ITGBL1: variants seen among roughly 807,000 people sequenced by gnomAD.
ITGBL1 encodes the protein integrin subunit beta like 1.
In ITGBL1, 51 loss-of-function variants were observed where a neutral mutation model predicts 68.5. The ratio of observed to expected loss-of-function variants is 0.74; its 90% CI spans 0.59 to 0.94. ITGBL1 has a LOEUF of 0.94. ITGBL1 is among the 40% of genes least tolerant of loss of function. ITGBL1 has a pLI of 0.00. For missense variants in ITGBL1, 649 were observed against 647.4 expected (o/e 1.00, Z -0.03); for synonymous variants, 209 against 227.3 (o/e 0.92, Z 0.72).
chr13:101,713,904 C>G (rs1323045882), intron 9 of ITGBL1: 2 of 152,754 alleles, frequency 1.3e-5, no homozygotes, highest in Admixed American at 1.3e-4. Context: ...TACTGAGTGA[C>G]TGTATGCATT....
rs79872329 is a variant in ITGBL1 at position 101,560,136 on chromosome 13, C to A, written c.317-7563C>A. Among the ~76,000 whole-genome samples, 115 of 152,220 alleles carry A rather than the reference C, an allele frequency of 7.6e-4. 2 individuals carry two copies. Among genetic ancestry groups the A allele is most frequent in the African/African-American group, 2.7e-3 (112 of 41,550 alleles). On this transcript the variant is annotated intron_variant, in intron 2 of 10. Transcript: ENST00000376180. The stretch of plus-strand genomic sequence containing the variant: ...TAATTGTACTGTCAGATAAAGAATT[C>A]TTTCACAATCTTTTCTTAGAATTCT...
chr13:101,656,375 G>T (rs2032925096), intron 7 of ITGBL1, among the ~76,000 whole-genome samples: 1 of 152,140 alleles, frequency 6.6e-6, no homozygotes, highest in Non-Finnish European at 1.5e-5. Context: ...GGACAGCTTT[G>T]CAGGTCCATT....
At chr13:101,606,044 T>C (rs1566754720) in intron 7 of ITGBL1, among the ~76,000 whole-genome samples, 1 of 145,232 alleles carries the variant, frequency 6.9e-6, no homozygotes. Flanking sequence ...ATATATGATA[T>C]AAGGCTATCC....
At chr13:101,695,381 T>A (rs1341847292) in intron 8 of ITGBL1, among the ~76,000 whole-genome samples, 1 of 152,116 alleles carries the variant, frequency 6.6e-6, no homozygotes, top group African/African-American at 2.4e-5. Context: ...CCCTGTGTGA[T>A]TGCAGATTAG....
At chr13:101,653,232 A>C (rs1367597554) in intron 7 of ITGBL1, among the ~76,000 whole-genome samples, 1 of 141,824 alleles carries the variant, frequency 7.1e-6, no homozygotes, top group Admixed American at 7.4e-5. Context: ...GGAAGGAGAA[A>C]TTTGTGCCAT....
At chr13:101,475,238 A>G (rs2048518399) in intron 2 of ITGBL1, among the ~76,000 whole-genome samples, 1 of 152,178 alleles carries the variant, frequency 6.6e-6, no homozygotes, top group South Asian at 2.1e-4. Context: ...TTTAGCAAAG[A>G]GATTGAAATA....
chr13:101,718,961 A>C (rs1006857800), downstream of ITGBL1: 9 of 151,910 alleles, frequency 5.9e-5, no homozygotes, highest in Non-Finnish European at 2.9e-5. Context: ...CTGGATTTTG[A>C]TATGCCTGCA....
At chr13:101,540,522 A>T (rs956546227) in intron 2 of ITGBL1, among the ~76,000 whole-genome samples, 10 of 152,114 alleles carry the variant, frequency 6.6e-5, no homozygotes, top group African/African-American at 2.4e-4. Context: ...CTTAGGATTG[A>T]CTTGGCAATG....
chr13:101,709,798 C>A (rs1424576365), intron 9 of ITGBL1, among the ~76,000 whole-genome samples: 1 of 152,202 alleles, frequency 6.6e-6, no homozygotes, highest in Non-Finnish European at 1.5e-5. Flanking sequence ...TTCCCTAAGA[C>A]CTGTCCAACT....
At chr13:101,473,452 C>G (rs1280753422) in intron 2 of ITGBL1, among the ~76,000 whole-genome samples, 1 of 152,204 alleles carries the variant, frequency 6.6e-6, no homozygotes, top group Non-Finnish European at 1.5e-5. Flanking sequence ...ACAGACAGAT[C>G]ATTTTGATCA....
intron 7 of ITGBL1, among the ~76,000 whole-genome samples, chr13:101,661,455 A>G (rs913851784): frequency 2.0e-5 from 3 of 152,158 alleles, no homozygotes; most frequent in African/African-American, 7.2e-5. Flanking sequence ...TGAAGTACCA[A>G]TGTAGGAATT....
chr13:101,485,213 G>A (rs981878071), intron 2 of ITGBL1, among the ~76,000 whole-genome samples: 5 of 152,160 alleles, frequency 3.3e-5, no homozygotes, highest in African/African-American at 1.2e-4. Context: ...AATGCTAGAG[G>A]AAGTTCTGCA....
intron 7 of ITGBL1, among the ~76,000 whole-genome samples, chr13:101,637,615 T>C (rs374684828): frequency 2.6e-5 from 4 of 152,306 alleles, no homozygotes; most frequent in African/African-American, 9.6e-5. Flanking sequence ...AGTGCTGGGA[T>C]TACAGGCGTG....
chr13:101,519,951 T>C (rs2139131131), intron 2 of ITGBL1, among the ~76,000 whole-genome samples: 1 of 152,332 alleles, frequency 6.6e-6, no homozygotes, highest in Admixed American at 6.5e-5. Context: ...ATATTTCCTG[T>C]CAATAAAGCC....
intron 2 of ITGBL1, among the ~76,000 whole-genome samples, chr13:101,506,799 T>C (rs966426940): frequency 1.3e-5 from 2 of 152,320 alleles, no homozygotes; most frequent in Admixed American, 1.3e-4. Flanking sequence ...CTGAGATCTC[T>C]CTTGACTGTA....
chr13:101,491,741 C>T (rs1485146401), intron 2 of ITGBL1, among the ~76,000 whole-genome samples: 3 of 152,214 alleles, frequency 2.0e-5, no homozygotes, highest in South Asian at 4.1e-4. Context: ...TCGTCATCTG[C>T]GTTAGGTATT....
intron 7 of ITGBL1, among the ~76,000 whole-genome samples, chr13:101,612,923 T>G (rs1175680629): frequency 1.3e-5 from 2 of 152,124 alleles, no homozygotes; most frequent in African/African-American, 2.4e-5. Flanking sequence ...CGTCCGTAGC[T>G]TATCAAAACA....
intron 7 of ITGBL1, among the ~76,000 whole-genome samples, chr13:101,628,678 G>A (rs762063474): frequency 2.7e-5 from 4 of 149,548 alleles, no homozygotes; most frequent in Non-Finnish European, 5.9e-5. Context: ...TTGACCTCGT[G>A]ATCCACCCAC....
chr13:101,581,023 CA>C (rs2050449185), intron 5 of ITGBL1, among the ~76,000 whole-genome samples: 1 of 151,138 alleles, frequency 6.6e-6, no homozygotes, highest in African/African-American at 2.4e-5. Flanking sequence ...TTTTTTTTCT[CA>C]AAAGATAATA....
Sources: allele counts gnomAD v4.1 joint callset (sites outside exome capture counted in the v4.1 genomes callset), GRCh38; gene constraint gnomAD v4.1.1; transcripts MANE v1.5; gene names NCBI Gene and HGNC (gene_info 2026-07-23, HGNC 2026-07-21).